The following SQOR variants were observed in gnomAD, a reference collection of about 807,000 sequenced individuals.
SQOR encodes the protein sulfide quinone oxidoreductase, also known as sulfide:quinone oxidoreductase, mitochondrial.
SQOR carries 39 observed loss-of-function variants against 48.6 expected under a neutral mutation model. That is an observed-to-expected ratio of 0.80 (90% confidence interval 0.62 to 1.05). SQOR has a LOEUF of 1.05. Among genes scored for constraint, SQOR ranks in the 50% least tolerant of loss-of-function variants. The pLI is 0.00. For missense variants in SQOR, 561 were observed against 559.9 expected (o/e 1.00, Z -0.02); for synonymous variants, 220 against 206.2 (o/e 1.07, Z -0.57).
intron 9 of SQOR, among the ~76,000 whole-genome samples, chr15:45,690,644 A>G (rs1354285741): frequency 1.3e-5 from 2 of 151,060 alleles, no homozygotes; most frequent in South Asian, 4.2e-4. Flanking sequence ...CAACATATCA[A>G]TAGGGCCAAG....
upstream of SQOR, among the ~76,000 whole-genome samples, chr15:45,632,195 CCCCTCCCTCCCTCCCT>C (rs369732540): frequency 1.6e-5 from 2 of 126,510 alleles, no homozygotes; most frequent in African/African-American, 6.3e-5. Context: ...CCCCTCCCCT[CCCCTCCCTCCCTCCCT>C]CCCTCCCTCC....
At chr15:45,635,762 G>T (rs978498049) in intron 1 of SQOR, among the ~76,000 whole-genome samples, 2 of 152,192 alleles carry the variant, frequency 1.3e-5, no homozygotes, top group African/African-American at 2.4e-5. Context: ...GCTGCCCATT[G>T]CTATAATGCA....
intron 4 of SQOR, among the ~76,000 whole-genome samples, chr15:45,671,791 T>C (rs893593166): frequency 6.6e-6 from 1 of 152,058 alleles, no homozygotes; most frequent in Non-Finnish European, 1.5e-5. Context: ...CTTCACAGGG[T>C]CTCTGCAGCA....
chr15:45,666,203 G>A (rs934504305), intron 3 of SQOR, among the ~76,000 whole-genome samples: 1 of 152,074 alleles, frequency 6.6e-6, no homozygotes, highest in Non-Finnish European at 1.5e-5. Context: ...CTTTAGCTTC[G>A]ATATGACTCC....
chr15:45,682,367 T>A, intron 6 of SQOR, 111 bp from the exon 7 acceptor site: 1 of 1,118,914 alleles, frequency 8.9e-7, no homozygotes, highest in Non-Finnish European at 1.3e-6. Context: ...GATTGTATAA[T>A]GCTCCATGCA....
chr15:45,649,105 C>G (rs1182373396), intron 1 of SQOR, among the ~76,000 whole-genome samples: 1 of 152,236 alleles, frequency 6.6e-6, no homozygotes, highest in Non-Finnish European at 1.5e-5. Context: ...TGCTCACAAA[C>G]CATGTCATGT....
chr15:45,638,189 A>T (rs1895040215), intron 1 of SQOR, among the ~76,000 whole-genome samples: 1 of 152,258 alleles, frequency 6.6e-6, no homozygotes, highest in African/African-American at 2.4e-5. Context: ...ACACACTGGG[A>T]CTATCTATGT....
chr15:45,661,720 T>C (rs1889724046), intron 2 of SQOR, among the ~76,000 whole-genome samples: 1 of 152,314 alleles, frequency 6.6e-6, no homozygotes, highest in South Asian at 2.1e-4. Flanking sequence ...TCACTAAAGA[T>C]AGTTTATAGC....
chr15:45,689,042 G>C lies in SQOR; in HGVS notation c.1120G>C (p.Asp374His). The part of the protein sequence containing the change: ...MKNQTPTKKY[D>H]GYTSCPLVTG... ...TCAGTCTGATTTACAATTTTAGTAT[G>C]ATGGCTACACATCATGTCCACTGGT... The change falls in exon 9 of 10, where the codon GAT becomes CAT. Residue 374 changes from aspartate to histidine, a missense_variant. Transcript: ENST00000260324. The C allele has an allele frequency of 2.5e-6, 4 of 1,613,474 alleles. No individual in the cohort carries two copies. Among genetic ancestry groups the C allele is most frequent in the Non-Finnish European group, 3.4e-6 (4 of 1,179,742 alleles).
intron 3 of SQOR, among the ~76,000 whole-genome samples, chr15:45,665,759 T>G (rs1889805391): frequency 6.6e-6 from 1 of 152,128 alleles, no homozygotes; most frequent in Non-Finnish European, 1.5e-5. Context: ...AATTTTTGTG[T>G]TTTTAGTAGA....
chr15:45,636,618 G>A (rs149402291), intron 1 of SQOR, among the ~76,000 whole-genome samples: 168 of 151,990 alleles, frequency 1.1e-3, no homozygotes, highest in African/African-American at 3.7e-3. Flanking sequence ...TGTCCAGGAT[G>A]GTCTCGATCT....
chr15:45,666,068 T>G (rs1416033543), intron 3 of SQOR, among the ~76,000 whole-genome samples: 1 of 152,228 alleles, frequency 6.6e-6, no homozygotes, highest in Non-Finnish European at 1.5e-5. Flanking sequence ...CCTGGTTCTA[T>G]TCTCTCCTTG....
intron 1 of SQOR, among the ~76,000 whole-genome samples, chr15:45,656,983 T>G (rs1226225402): frequency 1.3e-5 from 2 of 151,990 alleles, no homozygotes; most frequent in African/African-American, 4.8e-5. Flanking sequence ...AATTTTTGTA[T>G]TTTTAGTAGA....
intron 6 of SQOR, among the ~76,000 whole-genome samples, chr15:45,677,039 T>TA (rs200916577): frequency 0.27 from 33,893 of 126,878 alleles, 4,459 homozygotes; most frequent in East Asian, 0.44. Flanking sequence ...AGACTCCGTC[T>TA]AAAAAAAAAA....
At chr15:45,650,901 C>T (rs145830125) in intron 1 of SQOR, among the ~76,000 whole-genome samples, 7 of 152,334 alleles carry the variant, frequency 4.6e-5, no homozygotes, top group Non-Finnish European at 7.3e-5. Flanking sequence ...TTGAACTAGA[C>T]GTAAAAGTTC....
At chr15:45,683,488 G>A (rs1226996915) in intron 7 of SQOR, among the ~76,000 whole-genome samples, 1 of 152,192 alleles carries the variant, frequency 6.6e-6, no homozygotes, top group Non-Finnish European at 1.5e-5. Context: ...CAGCAGTGAT[G>A]GGGAGAATTG....
chr15:45,632,118 A>G (rs1250345855), upstream of SQOR: 1 of 152,154 alleles, frequency 6.6e-6, no homozygotes, highest in Non-Finnish European at 1.5e-5. Context: ...AGGGCTCTTG[A>G]GTGAGATAGT....
At chr15:45,651,322 C>G (rs1187569685) in intron 1 of SQOR, among the ~76,000 whole-genome samples, 1 of 152,208 alleles carries the variant, frequency 6.6e-6, no homozygotes, top group Non-Finnish European at 1.5e-5. Flanking sequence ...TGAGCCCACG[C>G]CCACCCAGAA....
chr15:45,689,380 C>T (rs1467990419), intron 9 of SQOR, 163 bp downstream of exon 9: 5 of 564,774 alleles, frequency 8.9e-6, no homozygotes, highest in Non-Finnish European at 1.5e-5. Context: ...TAGTAAATCA[C>T]TTTCACATAC....
Sources: gnomAD v4.1 joint callset for allele counts (sites outside exome capture counted in the v4.1 genomes callset) on GRCh38, gnomAD v4.1.1 for gene constraint, MANE v1.5 for transcripts, NCBI Gene and HGNC (gene_info 2026-07-23, HGNC 2026-07-21) for gene names.